TENM2: variants seen among roughly 807,000 people sequenced by gnomAD.
TENM2 encodes the protein teneurin transmembrane protein 2, also known as teneurin-2.
Under a neutral mutation model 245.2 loss-of-function variants are expected in TENM2, and 52 were observed. The observed-to-expected ratio is 0.21, with a 90% CI of 0.17 to 0.27. The LOEUF is 0.27. Ranked by LOEUF, TENM2 falls within the 10% of genes least tolerant of loss-of-function variation. The pLI is 1.00. For missense variants in TENM2, 3,046 were observed against 3,666.8 expected (o/e 0.83, Z 4.37); for synonymous variants, 1,363 against 1,438.9 (o/e 0.95, Z 1.19).
chr5:167,316,743 T>C (rs1449785639), intron 1 of TENM2, among the ~76,000 whole-genome samples: 1 of 152,220 alleles, frequency 6.6e-6, no homozygotes, highest in African/African-American at 2.4e-5. Context: ...AATATTTTTC[T>C]GTCTTTTTAA....
intron 2 of TENM2, among the ~76,000 whole-genome samples, chr5:167,516,589 T>G (rs1450618590): frequency 6.6e-6 from 1 of 152,198 alleles, no homozygotes; most frequent in Non-Finnish European, 1.5e-5. Context: ...TATACCCACC[T>G]TCTGCCTAGG....
chr5:168,090,674 T>A, exon 8 of TENM2: 1 of 1,613,878 alleles, frequency 6.2e-7, no homozygotes, highest in Non-Finnish European at 8.5e-7. Context: ...AATGAAGCCG[T>A]GTTTGTGCAG....
rs574440322 is a variant in TENM2, at chr5:167,716,671, A to G, written c.503-159315A>G. Among the ~76,000 whole-genome samples the G allele has an allele frequency of 2.6e-5, 4 of 152,274 alleles. No individual in the cohort carries two copies. The South Asian group carries it at 8.3e-4, about 32-fold the overall frequency. On this transcript the variant is annotated intron_variant, in intron 2 of 28. Coordinates refer to ENST00000518659, the Ensembl canonical transcript of TENM2. ...AGTAAAATAGCCAAAAATAAAATAG[A>G]AGACTGTTTTATGCAAGTCTTAGGA...
the TENM2 span, among the ~76,000 whole-genome samples, chr5:167,031,265 T>C: frequency 6.6e-6 from 1 of 152,180 alleles, no homozygotes; most frequent in East Asian, 1.9e-4. Context: ...TGTTTTTCAG[T>C]GCAATATCCA....
chr5:168,147,678 G>A (rs1173378831), intron 12 of TENM2, among the ~76,000 whole-genome samples: 1 of 152,118 alleles, frequency 6.6e-6, no homozygotes, highest in Non-Finnish European at 1.5e-5. Flanking sequence ...TTGGTTCTGC[G>A]CTGTATTATT....
At chr5:167,134,840 G>A in the TENM2 span, among the ~76,000 whole-genome samples, 1 of 152,052 alleles carries the variant, frequency 6.6e-6, no homozygotes, top group African/African-American at 2.4e-5. Flanking sequence ...TAACCACAGA[G>A]GTCTTAGTAA....
chr5:168,235,693 G>T (rs903878981), intron 25 of TENM2, among the ~76,000 whole-genome samples: 7 of 152,074 alleles, frequency 4.6e-5, no homozygotes, highest in African/African-American at 1.7e-4. Context: ...TATAATCCCA[G>T]CTACTTCGGA....
At chr5:167,421,831 C>T (rs777958791) in intron 2 of TENM2, among the ~76,000 whole-genome samples, 2 of 152,168 alleles carry the variant, frequency 1.3e-5, no homozygotes, top group Non-Finnish European at 2.9e-5. Context: ...CTCCCTCTGT[C>T]GCCCAGGCTG....
At chr5:167,435,211 C>T (rs55881208) in intron 2 of TENM2, among the ~76,000 whole-genome samples, 7,688 of 152,208 alleles carry the variant, frequency 0.051, 284 homozygotes, top group African/African-American at 0.1. Flanking sequence ...TAGTCAATGC[C>T]TTAGATACTG....
At chr5:167,857,637 A>C (rs1334250283) in intron 2 of TENM2, among the ~76,000 whole-genome samples, 1 of 152,300 alleles carries the variant, frequency 6.6e-6, no homozygotes, top group East Asian at 1.9e-4. Flanking sequence ...TTTTATCTTG[A>C]GAAAACCCAA....
At chr5:167,353,679 T>TTTG (rs1359013072) in intron 1 of TENM2, among the ~76,000 whole-genome samples, 1 of 151,628 alleles carries the variant, frequency 6.6e-6, no homozygotes, top group African/African-American at 2.4e-5. Context: ...GGCTAATTTT[T>TTTG]TGTATTTTTA....
At chr5:167,073,021 C>T in the TENM2 span, among the ~76,000 whole-genome samples, 66,111 of 151,952 alleles carry the variant, frequency 0.44, 15,028 homozygotes, top group African/African-American at 0.53. Context: ...AAATAGTGTG[C>T]CATAGTCAAA....
chr5:167,458,888 A>C (rs1427579665), intron 2 of TENM2, among the ~76,000 whole-genome samples: 1 of 152,228 alleles, frequency 6.6e-6, no homozygotes, highest in Non-Finnish European at 1.5e-5. Context: ...CAGGCAATCT[A>C]GTTCCAGAAT....
At chr5:167,501,442 G>A (rs746039035) in intron 2 of TENM2, among the ~76,000 whole-genome samples, 2 of 152,176 alleles carry the variant, frequency 1.3e-5, no homozygotes, top group Non-Finnish European at 2.9e-5. Context: ...CATATTTTGA[G>A]TGACCCTTTC....
At chr5:167,357,753 G>C (rs1163246401) in intron 1 of TENM2, among the ~76,000 whole-genome samples, 1 of 152,170 alleles carries the variant, frequency 6.6e-6, no homozygotes, top group Non-Finnish European at 1.5e-5. Flanking sequence ...TAAATTTCAA[G>C]TAGTCCTTTG....
intron 2 of TENM2, among the ~76,000 whole-genome samples, chr5:167,633,330 C>T (rs1009567661): frequency 2.0e-5 from 3 of 151,782 alleles, no homozygotes; most frequent in Admixed American, 6.6e-5. Context: ...TCAACACTTG[C>T]AAGTTCAAAG....
chr5:167,001,138 C>G, the TENM2 span, among the ~76,000 whole-genome samples: 4 of 152,076 alleles, frequency 2.6e-5, no homozygotes, highest in Admixed American at 6.6e-5. Flanking sequence ...ACTTTTCTAA[C>G]TGAAAACCCT....
chr5:167,780,867 C>T (rs1463431205), intron 2 of TENM2, among the ~76,000 whole-genome samples: 2 of 152,176 alleles, frequency 1.3e-5, no homozygotes, highest in Non-Finnish European at 2.9e-5. Context: ...TACTGAGACC[C>T]AACTACACTT....
At chr5:167,716,147 C>T (rs1294443794) in intron 2 of TENM2, among the ~76,000 whole-genome samples, 1 of 152,134 alleles carries the variant, frequency 6.6e-6, no homozygotes, top group Non-Finnish European at 1.5e-5. Context: ...CTCTGGAGTG[C>T]AGAAAAGTGA....
Sources: gnomAD v4.1 joint callset for allele counts (sites outside exome capture counted in the v4.1 genomes callset) on GRCh38, gnomAD v4.1.1 for gene constraint, MANE v1.5 for transcripts, NCBI Gene and HGNC (gene_info 2026-07-23, HGNC 2026-07-21) for gene names.